The following ACTA2 variants were observed in gnomAD, a reference collection of about 807,000 sequenced individuals.
ACTA2 encodes actin alpha 2, smooth muscle.
ACTA2 carries 12 observed loss-of-function variants against 39.5 expected under a neutral mutation model. The observed-to-expected ratio is 0.30, with a 90% confidence interval of 0.19 to 0.49. The LOEUF is 0.49. Among genes scored for constraint, ACTA2 ranks in the 20% least tolerant of loss-of-function variants. The pLI is 0.99. For missense variants in ACTA2, 236 were observed against 498.8 expected (o/e 0.47, Z 5.02); for synonymous variants, 158 against 180.6 (o/e 0.88, Z 1.00).
exon 1 of ACTA2, chr10:88,991,108 C>T (rs1013895910): frequency 1.1e-4 from 75 of 653,774 alleles, no homozygotes; most frequent in Non-Finnish European, 1.7e-4. Context: ...GTGCTCAGAA[C>T]GCTGGAGGAC....
Position 88,939,620 on chromosome 10 carries a change from GCAGTGGC to G in ACTA2, c.688_694del (p.Ala230ProfsTer18). The G allele has an allele frequency of 6.2e-7, 1 of 1,614,102 alleles. No homozygotes were observed. The highest frequency in any genetic ancestry group is 1.1e-5 in the South Asian group (1 of 91,084). ...CTTCTCAAGGGAGGATGAGGATGCG[GCAGTGGC>G]CATCTCATTTTCAAAGTCCAGAGCT... On this transcript the variant is annotated frameshift_variant, in exon 7 of 9. Coordinates refer to ENST00000224784, the MANE Select transcript of ACTA2 (RefSeq NM_001613.4). LOFTEE classifies it high-confidence loss of function.
intron 8 of ACTA2, among the ~76,000 whole-genome samples, chr10:88,935,873 T>G (rs1845728391): frequency 6.6e-6 from 1 of 152,208 alleles, no homozygotes. Context: ...CAGGGTCCCC[T>G]GCTGGGGACA....
At chr10:88,941,090 G>A (rs1397968739) in intron 6 of ACTA2, 139 bp downstream of exon 6, 2 of 1,038,544 alleles carry the variant, frequency 1.9e-6, no homozygotes, top group East Asian at 2.6e-5. Context: ...AGAAAGATGT[G>A]CTTTGCTCTG....
intron 1 of ACTA2, chr10:88,973,205 A>C (rs766819965): frequency 6.2e-7 from 1 of 1,612,404 alleles, no homozygotes; most frequent in South Asian, 1.1e-5. Flanking sequence ...TTTCTGGGAT[A>C]ATTTCTGGCA....
upstream of ACTA2, among the ~76,000 whole-genome samples, chr10:88,954,964 CAGCCA>C (rs1846110162): frequency 7.3e-6 from 1 of 137,160 alleles, no homozygotes; most frequent in Non-Finnish European, 1.5e-5. Flanking sequence ...CTGGGGCCAG[CAGCCA>C]TGTATCCAAG....
intron 1 of ACTA2, among the ~76,000 whole-genome samples, chr10:88,975,716 A>C (rs1846547558): frequency 6.6e-6 from 1 of 152,112 alleles, no homozygotes; most frequent in Non-Finnish European, 1.5e-5. Context: ...TTGGCCTCTT[A>C]ATAAATATTC....
chr10:88,971,254 A>G (rs1054144994), intron 1 of ACTA2, among the ~76,000 whole-genome samples: 4 of 152,254 alleles, frequency 2.6e-5, no homozygotes, highest in Admixed American at 6.5e-5. Flanking sequence ...TAAGTGTGTG[A>G]AGTAACAGAT....
upstream of ACTA2, among the ~76,000 whole-genome samples, chr10:88,953,609 TAG>T (rs368260439): frequency 1.3e-5 from 2 of 152,224 alleles, no homozygotes; most frequent in African/African-American, 4.8e-5. Flanking sequence ...TGACAGGAAG[TAG>T]AGAGACCAGG....
At chr10:88,944,553 A>G (rs1249606252) in intron 3 of ACTA2, among the ~76,000 whole-genome samples, 1 of 152,234 alleles carries the variant, frequency 6.6e-6, no homozygotes, top group Non-Finnish European at 1.5e-5. Flanking sequence ...TGCCCTTTGC[A>G]GTGTACATGA....
chr10:88,941,263 G>T lies in ACTA2; in HGVS notation c.582C>A (p.Ile194=), dbSNP rs759846557. 6.2e-7 allele frequency: 1 copy of T among 1,613,978 alleles called. No homozygotes were observed. Among genetic ancestry groups the T allele is most frequent in the East Asian group, 2.2e-5 (1 of 44,818 alleles). The part of the protein sequence containing the change: ...GRDLTDYLMK[I]LTERGYSFVT... ...CGAAGGAATAGCCACGCTCAGTCAG[G>T]ATCTTCATGAGGTAGTCAGTGAGAT... Residue 194 remains isoleucine (I), a synonymous_variant, in exon 6 of 9, where the codon ATC becomes ATA. Transcript: ENST00000224784.
At chr10:88,972,951 G>A (rs1258416495) in intron 1 of ACTA2, among the ~76,000 whole-genome samples, 1 of 152,144 alleles carries the variant, frequency 6.6e-6, no homozygotes, top group South Asian at 2.1e-4. Flanking sequence ...TTGTGTATGT[G>A]TATGTGTTTA....
Position 88,990,576 on chromosome 10 carries a change from C to T in ACTA2, c.-24+363G>A. The T allele has an allele frequency of 3.0e-6, 2 of 659,702 alleles. No individual in the cohort carries two copies. The highest frequency in any genetic ancestry group is 5.6e-6 in the Non-Finnish European group (2 of 359,058). The allele number at this position is 659,702 out of a possible 1,614,324, so 40.9% of individuals were successfully genotyped here. The stretch of plus-strand genomic sequence containing the variant: ...GTTGCTGAATCAATGGAGCCCTCCC[C>T]AACCCGGGCGTTCCCCAGCGAGGCT... On this transcript the variant is annotated intron_variant, in intron 1 of 4. Transcript: ENST00000415557. This position sits in a 1 kb window ranked among gnomAD's most constrained non-coding sequence, Gnocchi z 4.9.
intron 1 of ACTA2, among the ~76,000 whole-genome samples, chr10:88,958,705 T>C (rs1471900230): frequency 6.6e-6 from 1 of 152,162 alleles, no homozygotes; most frequent in African/African-American, 2.4e-5. Flanking sequence ...ACCAGCTAGC[T>C]CAAGTGAACC....
At chr10:88,978,242 A>C (rs1324108263) in intron 1 of ACTA2, among the ~76,000 whole-genome samples, 6 of 119,288 alleles carry the variant, frequency 5.0e-5, no homozygotes, top group Non-Finnish European at 8.5e-5. Flanking sequence ...CACTCTGGGG[A>C]CTGTTGTGGG....
In ACTA2 at chr10:88,969,501, A is replaced by C. The variant is rs559345314; in HGVS notation, c.-23-20548T>G. 2.8e-3 allele frequency among the ~76,000 whole-genome samples: 423 copies of C among 152,324 alleles called. 1 individual carries two copies. The highest frequency in any genetic ancestry group is 4.7e-3 in the Non-Finnish European group (319 of 68,026). The stretch of plus-strand genomic sequence containing the variant: ...GTGCAAAGGAGACTTTCAGAGCTTT[A>C]GGCTCCATCTGTCATGATCATTTTT... On this transcript the variant is annotated intron_variant, in intron 1 of 4. Transcript: ENST00000415557.
chr10:88,978,026 T>G (rs1460511399), intron 1 of ACTA2, among the ~76,000 whole-genome samples: 1 of 41,742 alleles, frequency 2.4e-5, no homozygotes, highest in East Asian at 5.0e-4. Flanking sequence ...TAGACTGGAT[T>G]AAGAAAATGT....
At chr10:88,939,460 A>G (rs758802599) in intron 7 of ACTA2, 47 bp downstream of exon 7, 1 of 1,610,244 alleles carries the variant, frequency 6.2e-7, no homozygotes, top group Non-Finnish European at 8.5e-7. Context: ...TTGATATGGA[A>G]GAAGACAATG....
intron 1 of ACTA2, among the ~76,000 whole-genome samples, chr10:88,971,623 A>G (rs1438285937): frequency 1.3e-5 from 2 of 152,158 alleles, no homozygotes; most frequent in Non-Finnish European, 2.9e-5. Context: ...AATGCCAACC[A>G]CTTTAAGAGT....
chr10:88,974,902 G>C (rs1846528757), intron 1 of ACTA2: 1 of 152,164 alleles, frequency 6.6e-6, no homozygotes. Flanking sequence ...CTAGATCACT[G>C]TAATACTGTA....
Sources: gnomAD v4.1 joint callset for allele counts (sites outside exome capture counted in the v4.1 genomes callset) on GRCh38, gnomAD v4.1.1 for gene constraint, Gnocchi (gnomAD v3.1) non-coding constraint, MANE v1.5 for transcripts, NCBI Gene and HGNC (gene_info 2026-07-23, HGNC 2026-07-21) for gene names.